The following CSTPP1 variants were observed in gnomAD, a reference collection of about 807,000 sequenced individuals.
CSTPP1 encodes centriolar satellite-associated tubulin polyglutamylase complex regulator 1, also known as UPF0705 protein C11orf49.
the CSTPP1 span, chr11:47,052,978 G>T: frequency 6.5e-6 from 1 of 154,310 alleles, no homozygotes; most frequent in South Asian, 2.0e-4. Context: ...ATATTAAAAT[G>T]CCATGCAGTA....
chr11:47,156,337 C>T, the CSTPP1 span, among the ~76,000 whole-genome samples: 1 of 152,114 alleles, frequency 6.6e-6, no homozygotes, highest in African/African-American at 2.4e-5. Context: ...GGGACAGCCA[C>T]CACATTGGGC....
the CSTPP1 span, among the ~76,000 whole-genome samples, chr11:47,002,445 C>G: frequency 6.6e-6 from 1 of 152,170 alleles, no homozygotes; most frequent in Admixed American, 6.5e-5. Flanking sequence ...TAGAATCCAT[C>G]TCACTTCTTC....
At chr11:46,995,976 A>G in the CSTPP1 span, among the ~76,000 whole-genome samples, 15 of 152,134 alleles carry the variant, frequency 9.9e-5, no homozygotes, top group Non-Finnish European at 2.1e-4. Flanking sequence ...TTGGGTGCGT[A>G]TATATTTAGG....
At chr11:47,103,115 C>A in the CSTPP1 span, among the ~76,000 whole-genome samples, 1 of 151,780 alleles carries the variant, frequency 6.6e-6, no homozygotes, top group African/African-American at 2.4e-5. Flanking sequence ...TGTACAGCAT[C>A]GGCAGGGTGT....
chr11:47,074,782 T>C, the CSTPP1 span, among the ~76,000 whole-genome samples: 1 of 152,194 alleles, frequency 6.6e-6, no homozygotes, highest in South Asian at 2.1e-4. Context: ...GTTTTCCTTA[T>C]TGAATTTGTG....
At chr11:47,014,775 A>AGGAG in the CSTPP1 span, among the ~76,000 whole-genome samples, 2 of 136,440 alleles carry the variant, frequency 1.5e-5, no homozygotes, top group East Asian at 2.6e-4. Flanking sequence ...GAAGGAAGGA[A>AGGAG]GGAGGGAGGG....
chr11:46,964,204 G>A, the CSTPP1 span, among the ~76,000 whole-genome samples: 1 of 151,790 alleles, frequency 6.6e-6, no homozygotes, highest in African/African-American at 2.4e-5. Flanking sequence ...CCTCCGTCTA[G>A]CACAATTCTT....
chr11:46,946,114 T>C, the CSTPP1 span, among the ~76,000 whole-genome samples: 1 of 152,380 alleles, frequency 6.6e-6, no homozygotes, highest in African/African-American at 2.4e-5. Flanking sequence ...TTCTAAGCCA[T>C]GTTGTTCCCA....
chr11:47,044,223 G>A, the CSTPP1 span, among the ~76,000 whole-genome samples: 1 of 152,006 alleles, frequency 6.6e-6, no homozygotes, highest in Admixed American at 6.6e-5. Context: ...TCCTGACCTT[G>A]TGACCCACCC....
chr11:47,111,933 G>T, the CSTPP1 span, among the ~76,000 whole-genome samples: 9 of 152,068 alleles, frequency 5.9e-5, no homozygotes, highest in Non-Finnish European at 1.3e-4. Flanking sequence ...GAGCTAAAAG[G>T]CCATATACAT....
At chr11:46,995,708 A>G in the CSTPP1 span, among the ~76,000 whole-genome samples, 3 of 152,168 alleles carry the variant, frequency 2.0e-5, no homozygotes, top group Non-Finnish European at 4.4e-5. Context: ...TATGTGGTCA[A>G]TTTTGGAATA....
the CSTPP1 span, among the ~76,000 whole-genome samples, chr11:47,072,940 G>A: frequency 6.6e-6 from 1 of 152,048 alleles, no homozygotes; most frequent in African/African-American, 2.4e-5. Context: ...ACAGCATGAT[G>A]GTAGAGTACT....
At chr11:47,038,202 A>C in the CSTPP1 span, among the ~76,000 whole-genome samples, 7 of 28,926 alleles carry the variant, frequency 2.4e-4, no homozygotes, top group Non-Finnish European at 4.1e-4. Flanking sequence ...GGGCAGAGGG[A>C]CTCCTCACTT....
chr11:47,055,129 C>T, the CSTPP1 span, among the ~76,000 whole-genome samples: 1 of 150,754 alleles, frequency 6.6e-6, no homozygotes, highest in Non-Finnish European at 1.5e-5. Context: ...GTTGGGGTTT[C>T]GCTATGTTAT....
At chr11:47,150,820 C>T in the CSTPP1 span, among the ~76,000 whole-genome samples, 11 of 142,544 alleles carry the variant, frequency 7.7e-5, no homozygotes, top group Non-Finnish European at 1.7e-4. Context: ...GCAGATGGAG[C>T]GGGCTCACAG....
the CSTPP1 span, among the ~76,000 whole-genome samples, chr11:47,159,321 C>T: frequency 6.6e-6 from 1 of 151,900 alleles, no homozygotes; most frequent in African/African-American, 2.4e-5. Flanking sequence ...ACCAGCCTGA[C>T]CAACATGGTG....
chr11:47,151,992 G>A, the CSTPP1 span, among the ~76,000 whole-genome samples: 1 of 152,116 alleles, frequency 6.6e-6, no homozygotes, highest in African/African-American at 2.4e-5. Context: ...CCATGAGGTA[G>A]GGTACTCAGG....
At chr11:47,161,740 T>C in the CSTPP1 span, 4 of 1,467,664 alleles carry the variant, frequency 2.7e-6, no homozygotes, top group Non-Finnish European at 3.6e-6. Flanking sequence ...TGCTGCCCTC[T>C]GCTGCTGACA....
the CSTPP1 span, among the ~76,000 whole-genome samples, chr11:47,072,536 G>T: frequency 6.6e-6 from 1 of 152,246 alleles, no homozygotes; most frequent in East Asian, 1.9e-4. Flanking sequence ...GGAATGTGAG[G>T]ATATATTAGC....
Sources: allele counts gnomAD v4.1 joint callset (sites outside exome capture counted in the v4.1 genomes callset), GRCh38; gene constraint gnomAD v4.1.1; transcripts MANE v1.5; gene names NCBI Gene and HGNC (gene_info 2026-07-23, HGNC 2026-07-21).